The following NKAIN3 variants were observed in gnomAD, a reference collection of about 807,000 sequenced individuals.
The protein encoded by NKAIN3 is sodium/potassium transporting ATPase interacting 3, also known as sodium/potassium-transporting ATPase subunit beta-1-interacting protein 3.
Under a neutral mutation model 30.2 loss-of-function variants are expected in NKAIN3, and 25 were observed. That is an observed-to-expected ratio of 0.83 (90% CI 0.60 to 1.16). The LOEUF (loss-of-function observed/expected upper bound fraction) is 1.16, where lower values mean the gene tolerates loss of function less well. NKAIN3 is among the 50% of genes most tolerant of loss of function. NKAIN3 has a pLI of 0.00. For synonymous variants in NKAIN3, 91 were observed against 89.6 expected, an observed-to-expected ratio of 1.02 and a Z score of -0.09; for missense variants, 225 against 254.1, an observed-to-expected ratio of 0.89 and a Z score of 0.78.
chr8:62,998,344 C>T (rs1004544056), intron 5 of NKAIN3, among the ~76,000 whole-genome samples: 16 of 151,968 alleles, frequency 1.1e-4, no homozygotes, highest in Non-Finnish European at 1.5e-4. Context: ...GGCCCAATCT[C>T]GGCTTACTGA....
intron 1 of NKAIN3, among the ~76,000 whole-genome samples, chr8:62,317,103 A>G (rs558543967): frequency 2.6e-5 from 4 of 152,004 alleles, no homozygotes; most frequent in East Asian, 1.9e-4. Flanking sequence ...CATATCCTTC[A>G]CCCACTTTTT....
intron 3 of NKAIN3, among the ~76,000 whole-genome samples, chr8:62,701,576 A>C (rs1184131182): frequency 6.6e-6 from 1 of 152,074 alleles, no homozygotes; most frequent in African/African-American, 2.4e-5. Context: ...GTAAAATCCT[A>C]TTTTCAGTAT....
At chr8:62,488,888 A>G (rs553630040) in intron 1 of NKAIN3, among the ~76,000 whole-genome samples, 53 of 152,216 alleles carry the variant, frequency 3.5e-4, no homozygotes, top group African/African-American at 9.9e-4. Context: ...GCCACTTAGC[A>G]CCTGTGTATC....
At position 62,976,802 on chromosome 8, in the gene NKAIN3, T is replaced by C. The variant is rs908504977; in HGVS notation, c.*11395T>C. Among the ~76,000 whole-genome samples, 9 of 152,186 alleles carry C rather than the reference T, an allele frequency of 5.9e-5. No homozygotes were observed. The highest frequency in any genetic ancestry group is 2.2e-4 in the African/African-American group (9 of 41,442). On this transcript the variant is annotated 3_prime_UTR_variant, in exon 7 of 7. Coordinates refer to ENST00000623646, the MANE Select transcript of NKAIN3 (RefSeq NM_001304533.3). Reference sequence around the variant, plus strand: ...TCGATGGTCTTTACATTTTGGAATGTTTTTGCAGTGGCTGGTACTGGTTGT... The same window carrying C: ...TCGATGGTCTTTACATTTTGGAATGCTTTTGCAGTGGCTGGTACTGGTTGT...
intron 3 of NKAIN3, among the ~76,000 whole-genome samples, chr8:62,677,292 C>A (rs925319023): frequency 6.6e-6 from 1 of 152,172 alleles, no homozygotes; most frequent in Non-Finnish European, 1.5e-5. Flanking sequence ...GTAGATAATA[C>A]CTTGTGCCAT....
At chr8:62,330,317 T>C (rs1815296769) in intron 1 of NKAIN3, among the ~76,000 whole-genome samples, 1 of 151,798 alleles carries the variant, frequency 6.6e-6, no homozygotes, top group Admixed American at 6.6e-5. Flanking sequence ...AGCACAAACA[T>C]GACTACCATT....
intron 1 of NKAIN3, among the ~76,000 whole-genome samples, chr8:62,416,586 C>T (rs1235775944): frequency 6.6e-6 from 1 of 152,144 alleles, no homozygotes; most frequent in African/African-American, 2.4e-5. Context: ...TTGATACAGG[C>T]ATGTAATGCA....
At chr8:62,771,172 A>T (rs928696260) in intron 4 of NKAIN3, among the ~76,000 whole-genome samples, 1 of 152,182 alleles carries the variant, frequency 6.6e-6, no homozygotes, top group African/African-American at 2.4e-5. Flanking sequence ...TCGCACCTGT[A>T]ATCCCAGCAC....
chr8:62,368,423 A>G (rs984101282), intron 1 of NKAIN3, among the ~76,000 whole-genome samples: 7 of 152,202 alleles, frequency 4.6e-5, no homozygotes, highest in Admixed American at 3.3e-4. Flanking sequence ...ATTTTTGACA[A>G]ATGTGTTGAG....
At chr8:62,710,541 C>A (rs765712171) in intron 3 of NKAIN3, among the ~76,000 whole-genome samples, 98 of 152,038 alleles carry the variant, frequency 6.4e-4, no homozygotes, top group Non-Finnish European at 1.2e-3. Flanking sequence ...AATAGCTACC[C>A]CTGCTCACTT....
At chr8:62,296,282 A>G (rs1813826951) in intron 1 of NKAIN3, among the ~76,000 whole-genome samples, 1 of 152,180 alleles carries the variant, frequency 6.6e-6, no homozygotes, top group South Asian at 2.1e-4. Context: ...GAGGAGGCTG[A>G]ATAACTTTCT....
chr8:62,427,123 A>C (rs1804831781), intron 1 of NKAIN3, among the ~76,000 whole-genome samples: 1 of 152,092 alleles, frequency 6.6e-6, no homozygotes, highest in South Asian at 2.1e-4. Context: ...AGAGAAAGCT[A>C]CAAATACAGG....
At chr8:62,753,237 C>CAT (rs1233624777) in intron 4 of NKAIN3, among the ~76,000 whole-genome samples, 3,352 of 151,658 alleles carry the variant, frequency 0.022, 123 homozygotes, top group African/African-American at 0.076. Flanking sequence ...CACACACGCA[C>CAT]GCACGCACAG....
rs557663682 is a variant in NKAIN3 at position 62,573,468 on chromosome 8, G to A, written c.55-6071G>A. On this transcript the variant is annotated intron_variant, in intron 1 of 6. Transcript: ENST00000623646. Reference sequence around the variant, plus strand: ...TTTGGTATTTTTGAACCATGCTTTCGTTATGTATATGATTTGGTTTCTTTT... The same window carrying A: ...TTTGGTATTTTTGAACCATGCTTTCATTATGTATATGATTTGGTTTCTTTT... Among the ~76,000 whole-genome samples, 28 of 152,044 alleles carry A rather than the reference G, an allele frequency of 1.8e-4. No homozygotes were observed. The South Asian group carries it at 2.5e-3, about 14-fold the overall frequency.
chr8:62,376,608 A>G (rs1442502686), intron 1 of NKAIN3, among the ~76,000 whole-genome samples: 8 of 152,168 alleles, frequency 5.3e-5, no homozygotes, highest in Admixed American at 3.3e-4. Context: ...GTAACATTGT[A>G]CCATTTTCTC....
At chr8:62,715,276 A>G (rs1331588959) in intron 3 of NKAIN3, among the ~76,000 whole-genome samples, 3 of 152,138 alleles carry the variant, frequency 2.0e-5, no homozygotes, top group Non-Finnish European at 4.4e-5. Flanking sequence ...TCGAAACCAT[A>G]TCAAGGGCAC....
intron 4 of NKAIN3, among the ~76,000 whole-genome samples, chr8:62,762,322 A>C (rs980791725): frequency 5.9e-5 from 9 of 152,022 alleles, no homozygotes; most frequent in Admixed American, 1.3e-4. Context: ...GTCTCAAAAA[A>C]AAAAAACAAA....
intron 3 of NKAIN3, among the ~76,000 whole-genome samples, chr8:62,652,040 A>G (rs754322879): frequency 6.6e-6 from 1 of 152,138 alleles, no homozygotes; most frequent in Non-Finnish European, 1.5e-5. Context: ...GAATGGCCTA[A>G]CATACATGGC....
At chr8:62,289,092 T>C (rs1813484066) in intron 1 of NKAIN3, among the ~76,000 whole-genome samples, 2 of 152,352 alleles carry the variant, frequency 1.3e-5, no homozygotes, top group South Asian at 4.1e-4. Flanking sequence ...TGGGGTTGTT[T>C]GATTTTTTCT....
Sources: allele counts gnomAD v4.1 joint callset (sites outside exome capture counted in the v4.1 genomes callset), GRCh38; gene constraint gnomAD v4.1.1; transcripts MANE v1.5; gene names NCBI Gene and HGNC (gene_info 2026-07-23, HGNC 2026-07-21).